DOCK2: variants seen among roughly 807,000 people sequenced by gnomAD.
DOCK2 encodes dedicator of cytokinesis protein 2.
In DOCK2, 87 loss-of-function variants were observed where a neutral mutation model predicts 248.9. The ratio of observed to expected loss-of-function variants is 0.35; its 90% CI spans 0.29 to 0.42. The LOEUF is 0.42. Among genes scored for constraint, DOCK2 ranks in the 10% least tolerant of loss-of-function variants. The pLI is 1.00. For missense variants in DOCK2, 1,747 were observed against 2,300.2 expected, an observed-to-expected ratio of 0.76 and a Z score of 4.92; for synonymous variants, 805 against 821.6, an observed-to-expected ratio of 0.98 and a Z score of 0.35.
At chr5:169,924,011 T>A (rs1489193489) in intron 27 of DOCK2, among the ~76,000 whole-genome samples, 1 of 152,208 alleles carries the variant, frequency 6.6e-6, no homozygotes, top group Non-Finnish European at 1.5e-5. Flanking sequence ...AGGTGGAGGC[T>A]TTGTGTTTGC....
intron 2 of DOCK2, among the ~76,000 whole-genome samples, chr5:169,663,257 C>G (rs967305882): frequency 3.9e-5 from 6 of 152,238 alleles, no homozygotes; most frequent in African/African-American, 1.4e-4. Context: ...TTGGGCAGCT[C>G]TCCCTCTGTG....
intron 46 of DOCK2, among the ~76,000 whole-genome samples, chr5:170,074,785 G>C (rs987272221): frequency 6.6e-6 from 1 of 152,138 alleles, no homozygotes; most frequent in Admixed American, 6.5e-5. Context: ...TTGGCTGCAG[G>C]GTGAGGCAGT....
chr5:170,011,187 T>C (rs982375735), intron 32 of DOCK2, among the ~76,000 whole-genome samples: 1 of 152,246 alleles, frequency 6.6e-6, no homozygotes, highest in Non-Finnish European at 1.5e-5. Context: ...GAGCCCATTA[T>C]AACAAGCTGC....
Position 169,669,357 on chromosome 5 carries a change from A to G in DOCK2, c.168+29A>G, listed in dbSNP as rs185164756. The G allele has an allele frequency of 6.2e-5, 100 of 1,613,808 alleles. No individual in the cohort carries two copies. The African/African-American group carries it at 1.2e-3, about 19-fold the overall frequency. ...AGGTCACCTGGTTTTTATTTGTGTC[A>G]GTACTGGAGGTCTTCATATGGCCCC... On this transcript the variant is annotated intron_variant, in intron 3 of 51. Coordinates refer to ENST00000520908, the MANE Select transcript of DOCK2 (RefSeq NM_004946.3).
chr5:170,076,914 A>G (rs1757858796), intron 47 of DOCK2, among the ~76,000 whole-genome samples: 1 of 152,144 alleles, frequency 6.6e-6, no homozygotes, highest in Non-Finnish European at 1.5e-5. Flanking sequence ...GCACAGTCTT[A>G]GACACTTCCC....
chr5:169,968,187 C>T (rs1414180192), intron 27 of DOCK2, among the ~76,000 whole-genome samples: 1 of 152,142 alleles, frequency 6.6e-6, no homozygotes, highest in Non-Finnish European at 1.5e-5. Flanking sequence ...ACAGCTTGAC[C>T]CCAATCATGG....
At position 170,040,481 on chromosome 5, in the gene DOCK2, C is replaced by T. The variant is rs182573578; in HGVS notation, c.3666-574C>T. ...ATATCTATTCTCCAGCCCCGATCCACTTCCTTTTATTACCAAAAAATGCAC... is the reference window on the plus strand; with the variant it reads ...ATATCTATTCTCCAGCCCCGATCCATTTCCTTTTATTACCAAAAAATGCAC... On this transcript the variant is annotated intron_variant, in intron 36 of 51. Transcript: ENST00000520908. Among the ~76,000 whole-genome samples, 204 of 152,310 alleles carry T rather than the reference C, an allele frequency of 1.3e-3. 1 individual carries two copies. The Middle Eastern group carries it at 0.024, about 18-fold the overall frequency.
chr5:169,736,316 G>C (rs1763039397), intron 22 of DOCK2, among the ~76,000 whole-genome samples: 1 of 152,152 alleles, frequency 6.6e-6, no homozygotes. Context: ...GGGTCAGCAG[G>C]GTCTGGTAGC....
At chr5:169,914,754 T>C (rs1189450751) in intron 27 of DOCK2, among the ~76,000 whole-genome samples, 1 of 152,228 alleles carries the variant, frequency 6.6e-6, no homozygotes, top group African/African-American at 2.4e-5. Flanking sequence ...GCAGGGTCTT[T>C]TAGCCACCTT....
intron 27 of DOCK2, among the ~76,000 whole-genome samples, chr5:169,895,135 A>C (rs1773524046): frequency 6.6e-6 from 1 of 152,196 alleles, no homozygotes; most frequent in African/African-American, 2.4e-5. Flanking sequence ...GCTGTGTAGC[A>C]CACCTTTAAT....
intron 25 of DOCK2, chr5:169,779,476 C>G (rs910540515): frequency 6.6e-6 from 1 of 152,348 alleles, no homozygotes; most frequent in African/African-American, 2.4e-5. Context: ...ACTGTGCCTG[C>G]GATTGTGAGC....
At chr5:169,967,819 T>C (rs770508776) in intron 27 of DOCK2, among the ~76,000 whole-genome samples, 3 of 152,000 alleles carry the variant, frequency 2.0e-5, no homozygotes, top group Non-Finnish European at 4.4e-5. Context: ...AAGACAAATT[T>C]CTTTTCTTTC....
chr5:169,755,457 G>C (rs773611424), intron 23 of DOCK2, among the ~76,000 whole-genome samples: 94 of 152,212 alleles, frequency 6.2e-4, no homozygotes, highest in Non-Finnish European at 1.1e-3. Flanking sequence ...AAAAATAATA[G>C]AACGGCTGGG....
chr5:169,925,929 G>C (rs931551609), intron 27 of DOCK2, among the ~76,000 whole-genome samples: 1 of 152,164 alleles, frequency 6.6e-6, no homozygotes, highest in Non-Finnish European at 1.5e-5. Context: ...AGAGACTCTA[G>C]GGAAATTCTT....
chr5:170,077,412 T>C (rs1446575333), intron 47 of DOCK2, among the ~76,000 whole-genome samples: 1 of 152,214 alleles, frequency 6.6e-6, no homozygotes, highest in Non-Finnish European at 1.5e-5. Flanking sequence ...AGGAGCCATC[T>C]TATTAGCATA....
intron 15 of DOCK2, among the ~76,000 whole-genome samples, chr5:169,709,355 A>G (rs1022139706): frequency 6.6e-6 from 1 of 152,150 alleles, no homozygotes; most frequent in Non-Finnish European, 1.5e-5. Context: ...TCCTTCTCAT[A>G]TGGCATCTCC....
intron 22 of DOCK2, among the ~76,000 whole-genome samples, chr5:169,741,119 C>A (rs10078132): frequency 0.023 from 3,440 of 152,218 alleles, 136 homozygotes; most frequent in African/African-American, 0.079. Context: ...GCCACTGCAC[C>A]CAGCCATCTG....
At chr5:169,676,070 C>T (rs79096452) in intron 6 of DOCK2, among the ~76,000 whole-genome samples, 196 of 152,264 alleles carry the variant, frequency 1.3e-3, no homozygotes, top group African/African-American at 4.5e-3. Flanking sequence ...ATGACATCTA[C>T]GACCTTCAAA....
At chr5:169,660,431 T>C (rs963443963) in intron 2 of DOCK2, among the ~76,000 whole-genome samples, 11 of 152,170 alleles carry the variant, frequency 7.2e-5, no homozygotes, top group Admixed American at 2.0e-4. Flanking sequence ...ATTGCTTTTG[T>C]TGTTGCTGTT....
Sources: gnomAD v4.1 joint callset for allele counts (sites outside exome capture counted in the v4.1 genomes callset) on GRCh38, gnomAD v4.1.1 for gene constraint, MANE v1.5 for transcripts, NCBI Gene and HGNC (gene_info 2026-07-23, HGNC 2026-07-21) for gene names.